ZNF385B: variants seen among roughly 807,000 people sequenced by gnomAD.
ZNF385B encodes the protein zinc finger protein 385B, also known as zinc finger protein 533.
In ZNF385B, 23 loss-of-function variants were observed where a neutral mutation model predicts 39.2. That is an observed-to-expected ratio of 0.59 (90% confidence interval 0.42 to 0.83). The LOEUF is 0.83. ZNF385B is among the 40% of genes least tolerant of loss of function. The pLI is 0.00. For synonymous variants in ZNF385B, 205 were observed against 222.6 expected (o/e 0.92, Z 0.70); for missense variants, 552 against 598.9 (o/e 0.92, Z 0.82).
At chr2:179,857,055 T>A (rs1480701) in intron 1 of ZNF385B, among the ~76,000 whole-genome samples, 11,462 of 152,194 alleles carry the variant, frequency 0.075, 515 homozygotes, top group African/African-American at 0.1. Flanking sequence ...CCTGGGCTTA[T>A]TCCTAAACTT....
At chr2:179,506,414 A>T (rs1257105740) in intron 5 of ZNF385B, among the ~76,000 whole-genome samples, 2 of 152,168 alleles carry the variant, frequency 1.3e-5, no homozygotes, top group Non-Finnish European at 1.5e-5. Flanking sequence ...TAGCATTAAA[A>T]TGGAAATGTA....
At chr2:179,695,532 G>A (rs183986160) in intron 3 of ZNF385B, among the ~76,000 whole-genome samples, 17 of 152,164 alleles carry the variant, frequency 1.1e-4, no homozygotes, top group African/African-American at 3.9e-4. Context: ...TGGAAAATGG[G>A]AGAGAGATTT....
chr2:179,467,919 C>A (rs1055427008), intron 6 of ZNF385B, among the ~76,000 whole-genome samples: 3 of 152,180 alleles, frequency 2.0e-5, no homozygotes, highest in African/African-American at 7.2e-5. Flanking sequence ...ATACTCACAT[C>A]TTCTGGTAAT....
chr2:179,443,497 G>C, intron 9 of ZNF385B, 29 bp from the exon 10 acceptor site: 1 of 1,533,324 alleles, frequency 6.5e-7, no homozygotes, highest in Non-Finnish European at 8.9e-7. Flanking sequence ...CAGGAATGGG[G>C]TGGAGATCCT....
At chr2:179,660,966 T>C (rs560896485) in intron 3 of ZNF385B, among the ~76,000 whole-genome samples, 2 of 152,364 alleles carry the variant, frequency 1.3e-5, no homozygotes, top group East Asian at 3.9e-4. Context: ...CTTGTTATAA[T>C]GACAGAGTAC....
chr2:179,795,970 A>G (rs1286449037), intron 1 of ZNF385B, among the ~76,000 whole-genome samples: 1 of 152,202 alleles, frequency 6.6e-6, no homozygotes, highest in African/African-American at 2.4e-5. Context: ...GACTATGCCA[A>G]TTTATTTCCC....
chr2:179,806,119 G>A (rs1449373418), intron 1 of ZNF385B, among the ~76,000 whole-genome samples: 2 of 152,024 alleles, frequency 1.3e-5, no homozygotes, highest in African/African-American at 4.8e-5. Context: ...ACAAAAAAAT[G>A]CCATAAACAA....
intron 3 of ZNF385B, among the ~76,000 whole-genome samples, chr2:179,629,504 T>C (rs1690988604): frequency 6.6e-6 from 1 of 152,226 alleles, no homozygotes; most frequent in African/African-American, 2.4e-5. Context: ...ACCTGAAGTC[T>C]AAACAATTTT....
At chr2:179,491,482 T>C (rs1053982853) in intron 5 of ZNF385B, among the ~76,000 whole-genome samples, 5 of 152,188 alleles carry the variant, frequency 3.3e-5, no homozygotes, top group African/African-American at 1.2e-4. Context: ...TCATGAATAA[T>C]GCACTTGATG....
chr2:179,516,489 C>G (rs1186309940), intron 5 of ZNF385B, among the ~76,000 whole-genome samples: 2 of 152,064 alleles, frequency 1.3e-5, no homozygotes, highest in African/African-American at 4.8e-5. Flanking sequence ...AGGTGTAGTG[C>G]TATCTGATTT....
chr2:179,808,275 G>A (rs572661793), intron 1 of ZNF385B, among the ~76,000 whole-genome samples: 24 of 152,198 alleles, frequency 1.6e-4, no homozygotes, highest in Non-Finnish European at 3.1e-4. Flanking sequence ...CTTGTGATCC[G>A]CCCGCCTTGG....
At chr2:179,453,604 G>A (rs1456263832) in intron 6 of ZNF385B, among the ~76,000 whole-genome samples, 1 of 152,126 alleles carries the variant, frequency 6.6e-6, no homozygotes. Context: ...GTGGTCGGAG[G>A]GAGATTGTGT....
At chr2:179,835,513 G>A (rs910876215) in intron 1 of ZNF385B, among the ~76,000 whole-genome samples, 5 of 152,036 alleles carry the variant, frequency 3.3e-5, no homozygotes, top group Non-Finnish European at 7.4e-5. Context: ...GGTGGTGGGG[G>A]GGCCAGGAAA....
chr2:179,778,379 TCTAAGA>T (rs1369023855), intron 1 of ZNF385B, among the ~76,000 whole-genome samples: 13 of 152,146 alleles, frequency 8.5e-5, no homozygotes, highest in African/African-American at 2.7e-4. Context: ...TAAACACTTT[TCTAAGA>T]GGGTCCAGGA....
intron 3 of ZNF385B, among the ~76,000 whole-genome samples, chr2:179,552,801 T>C (rs1238385544): frequency 6.7e-6 from 1 of 149,318 alleles, no homozygotes; most frequent in Non-Finnish European, 1.5e-5. Context: ...GGTCTCATAA[T>C]AGCAATAACA....
rs542223827 is a variant in ZNF385B at position 179,503,687 on chromosome 2, C to T, written c.552+14841G>A. Among the ~76,000 whole-genome samples, 114 of 152,126 alleles carry T rather than the reference C, an allele frequency of 7.5e-4. 1 individual carries two copies. Among genetic ancestry groups the T allele is most frequent in the Non-Finnish European group, 1.2e-3 (81 of 68,014 alleles). ...GTTCCCCTTCCTGTGTCCAAGTGTT[C>T]TCATTGTTCAATTCCCACCTATGAG... On this transcript the variant is annotated intron_variant, in intron 5 of 9. Transcript: ENST00000410066.
At chr2:179,797,769 T>C (rs1355412788) in intron 1 of ZNF385B, among the ~76,000 whole-genome samples, 1 of 152,168 alleles carries the variant, frequency 6.6e-6, no homozygotes, top group Non-Finnish European at 1.5e-5. Context: ...GATCTAATCT[T>C]TGTCACCAAT....
chr2:179,611,790 C>G (rs1689309319), intron 3 of ZNF385B, among the ~76,000 whole-genome samples: 1 of 152,126 alleles, frequency 6.6e-6, no homozygotes, highest in South Asian at 2.1e-4. Flanking sequence ...TTGATTTATT[C>G]TAGGCTTTCC....
chr2:179,826,148 C>T (rs1707670490), intron 1 of ZNF385B, among the ~76,000 whole-genome samples: 1 of 152,148 alleles, frequency 6.6e-6, no homozygotes, highest in African/African-American at 2.4e-5. Context: ...AATTCAGCTA[C>T]CACCCTCACG....
Sources: gnomAD v4.1 joint callset for allele counts (sites outside exome capture counted in the v4.1 genomes callset) on GRCh38, gnomAD v4.1.1 for gene constraint, MANE v1.5 for transcripts, NCBI Gene and HGNC (gene_info 2026-07-23, HGNC 2026-07-21) for gene names.